Variants in COL6A3 observed in about 807,000 individuals in gnomAD.
COL6A3 encodes collagen type VI alpha 3 chain, also known as collagen alpha-3(VI) chain.
In COL6A3, 137 loss-of-function variants were observed where a neutral mutation model predicts 274.1. That is an observed-to-expected ratio of 0.50 (90% CI 0.44 to 0.58). COL6A3 has a LOEUF of 0.58. COL6A3 is among the 20% of genes least tolerant of loss of function. The pLI is 0.00. For missense variants in COL6A3, 3,950 were observed against 4,124.9 expected (o/e 0.96, Z 1.16); for synonymous variants, 1,650 against 1,650.6 (o/e 1.00, Z 0.01).
At chr2:237,348,702 C>A (rs754868786) in intron 28 of COL6A3, 39 bp from the exon 29 acceptor site, 11 of 1,589,086 alleles carry the variant, frequency 6.9e-6, no homozygotes, top group African/African-American at 1.3e-5. Context: ...GGTCGCCATG[C>A]CTGGCACACC....
chr2:237,379,559 A>C (rs1281482511), intron 5 of COL6A3, among the ~76,000 whole-genome samples: 1 of 152,152 alleles, frequency 6.6e-6, no homozygotes, highest in Non-Finnish European at 1.5e-5. Context: ...AATGAATACT[A>C]TGAAGGTGCT....
intron 20 of COL6A3, among the ~76,000 whole-genome samples, 196 bp downstream of exon 20, chr2:237,358,839 T>C (rs375823882): frequency 2.0e-5 from 3 of 152,324 alleles, no homozygotes; most frequent in African/African-American, 7.2e-5. Flanking sequence ...CCCTATGGGA[T>C]GTGATCTCGA....
At position 237,353,349 on chromosome 2, in the gene COL6A3, C is replaced by T. The variant is rs1184078038; in HGVS notation, c.6682G>A (p.Gly2228Ser). ...CACACGGAAGCACTCACCTGTGCAC[C>T]TCTGGTCCCCTGCTCTCCCTCAAAG... ...PGFEGEQGTR[G>S]AQGPAGPAGP... is the part of the protein sequence containing the mutation. The change falls in exon 25 of 44, where the codon GGT becomes AGT. Residue 2228 changes from glycine (G) to serine (S), a missense_variant. By Grantham distance (56) the Gly-to-Ser change is moderately conservative. Coordinates refer to ENST00000295550, the MANE Select transcript of COL6A3 (RefSeq NM_004369.4). 4 of 1,614,184 alleles carry T rather than the reference C, an allele frequency of 2.5e-6. No individual in the cohort carries two copies. The South Asian group carries it at 4.4e-5, about 18-fold the overall frequency.
chr2:237,384,059 T>C (rs2078080042), intron 4 of COL6A3, among the ~76,000 whole-genome samples: 1 of 152,150 alleles, frequency 6.6e-6, no homozygotes, highest in African/African-American at 2.4e-5. Context: ...TAGCCAAATA[T>C]AGTAAACACT....
intron 1 of COL6A3, among the ~76,000 whole-genome samples, chr2:237,403,570 A>G (rs1352590841): frequency 1.3e-5 from 2 of 152,160 alleles, no homozygotes; most frequent in Non-Finnish European, 2.9e-5. Context: ...TTTCTGCAAC[A>G]AAGTGACAGC....
chr2:237,336,463 C>A lies in COL6A3; in HGVS notation c.8637G>T (p.Thr2879=). The part of the protein sequence containing the change: ...NPVTTTKPVT[T]TKPVTTTTKP... ...TTGTTGTGGTGGTCACCGGCTTCGTCGTAGTCACCGGCTTCGTTGTCGTCA... is the reference window on the plus strand; with the variant it reads ...TTGTTGTGGTGGTCACCGGCTTCGTAGTAGTCACCGGCTTCGTTGTCGTCA... Residue 2879 remains threonine, a synonymous_variant, in exon 40 of 44, where the codon ACG becomes ACT. Transcript: ENST00000295550. 6.2e-7 allele frequency: 1 copy of A among 1,614,090 alleles called. No homozygotes were observed. Among genetic ancestry groups the A allele is most frequent in the Non-Finnish European group, 8.5e-7 (1 of 1,180,020 alleles).
chr2:237,344,942 G>A lies in COL6A3; in HGVS notation c.7173C>T (p.Tyr2391=), dbSNP rs114248590. ...QSIKDKCPCC[Y]GPLECPVFPT... is the part of the protein sequence containing the mutation. ...AGAAAGTCACCAAAATCAACTTACC[G>A]TAACAGCAAGCTAGAAAAGAAGCAA... Residue 2391 remains tyrosine (Y), a splice_region_variant and synonymous_variant, in exon 35 of 44, where the codon TAC becomes TAT. Coordinates refer to ENST00000295550, the MANE Select transcript of COL6A3 (RefSeq NM_004369.4). This position sits in a 1 kb window ranked among gnomAD's most constrained non-coding sequence, Gnocchi z 4.8. The A allele has an allele frequency of 9.5e-5, 153 of 1,614,072 alleles. 1 individual carries two copies. Among genetic ancestry groups the A allele is most frequent in the South Asian group, 7.4e-4 (67 of 91,072 alleles).
chr2:237,379,749 C>T (rs766609275), intron 5 of COL6A3, among the ~76,000 whole-genome samples: 17 of 152,210 alleles, frequency 1.1e-4, no homozygotes, highest in Non-Finnish European at 7.3e-5. Flanking sequence ...AGGCTGGTCT[C>T]ATATTGAAGT....
chr2:237,350,208 C>G lies in COL6A3; in HGVS notation c.6818G>C (p.Gly2273Ala), dbSNP rs759832450. ...RGRTGPLGRK[G>A]EPGEPGPKGG... Reference sequence around the variant, plus strand: ...TTTTGGTCCTGGCTCTCCGGGCTCACCCTAGACATGAGAAACATGGCTGAG... The same window carrying G: ...TTTTGGTCCTGGCTCTCCGGGCTCAGCCTAGACATGAGAAACATGGCTGAG... Residue 2273 changes from glycine to alanine, a missense_variant and splice_region_variant, in exon 28 of 44, where the codon GGT becomes GCT. Gly to Ala is a moderately conservative substitution (Grantham distance 60). Around this residue, in one of 5 missense-constraint regions of COL6A3, gnomAD observed 1,284 missense variants for 1,349.7 expected, o/e 0.95. Transcript: ENST00000295550. 6.8e-6 allele frequency: 11 copies of G among 1,613,956 alleles called. No homozygotes were observed. The East Asian group carries it at 2.5e-4, about 36-fold the overall frequency.
In COL6A3 at chr2:237,354,950, T is replaced by C. The variant is rs181698279; in HGVS notation, c.6592-16A>G. 6.2e-7 allele frequency: 1 copy of C among 1,613,118 alleles called. No homozygotes were observed. Among genetic ancestry groups the C allele is most frequent in the African/African-American group, 1.3e-5 (1 of 74,844 alleles). On this transcript the variant is annotated splice_polypyrimidine_tract_variant and intron_variant, in intron 23 of 43. Transcript: ENST00000295550. ...CAAAGCCACCCTGTGGAAGAAAAAG[T>C]CCCACAAACTGTGAGGGGGAGCATG...
chr2:237,359,269 G>C lies in COL6A3; in HGVS notation c.6310-19C>G. Reference sequence around the variant, plus strand: ...CTTCGCCCTAAGAGGGAATAAGGCGGACAGGTAAGTATAGAAAGCTATTCT... The same window carrying C: ...CTTCGCCCTAAGAGGGAATAAGGCGCACAGGTAAGTATAGAAAGCTATTCT... On this transcript the variant is annotated intron_variant, in intron 18 of 43. Coordinates refer to ENST00000295550, the MANE Select transcript of COL6A3 (RefSeq NM_004369.4). 1 of 1,614,140 alleles carries C rather than the reference G, an allele frequency of 6.2e-7. No homozygotes were observed.
chr2:237,380,373 G>GAACCACTA (rs1484056550), intron 5 of COL6A3, among the ~76,000 whole-genome samples: 1 of 152,164 alleles, frequency 6.6e-6, no homozygotes, highest in African/African-American at 2.4e-5. Flanking sequence ...ATTAAATGAG[G>GAACCACTA]GATTTGAAGA....
At chr2:237,390,689 A>G (rs907996343) in intron 3 of COL6A3, among the ~76,000 whole-genome samples, 1 of 152,226 alleles carries the variant, frequency 6.6e-6, no homozygotes, top group Non-Finnish European at 1.5e-5. Context: ...TGTGGGCACA[A>G]TGCCTTTCTT....
chr2:237,366,352 C>T (rs1375779718), intron 11 of COL6A3, among the ~76,000 whole-genome samples: 1 of 152,140 alleles, frequency 6.6e-6, no homozygotes. Context: ...ATTAAAAGCA[C>T]TTGAAAATCA....
At chr2:237,399,114 A>G (rs2078525714) in intron 1 of COL6A3, among the ~76,000 whole-genome samples, 1 of 152,204 alleles carries the variant, frequency 6.6e-6, no homozygotes, top group Non-Finnish European at 1.5e-5. Context: ...TCATAAGATG[A>G]GAGGATAAGA....
At position 237,369,861 on chromosome 2, in the gene COL6A3, A is replaced by G. The variant is rs143696754; in HGVS notation, c.4286-684T>C. Among the ~76,000 whole-genome samples the G allele has an allele frequency of 6.6e-3, 984 of 148,066 alleles. 6 individuals carry two copies. The highest frequency in any genetic ancestry group is 0.023 in the African/African-American group (923 of 40,056). On this transcript the variant is annotated intron_variant, in intron 9 of 43. Coordinates refer to ENST00000295550, the MANE Select transcript of COL6A3 (RefSeq NM_004369.4). The stretch of plus-strand genomic sequence containing the variant: ...TCTTTCTTTTTTTTTTTTCTGAGAC[A>G]TGGTCTCTTTCTATCTCCCAGGCTG...
intron 3 of COL6A3, 142 bp from the exon 4 acceptor site, chr2:237,388,326 G>T: frequency 9.3e-7 from 1 of 1,071,440 alleles, no homozygotes; most frequent in Non-Finnish European, 1.4e-6. Context: ...ATGAAGGAAT[G>T]TGAAATTCTC....
chr2:237,344,311 A>G lies in COL6A3; in HGVS notation c.7668+39T>C, dbSNP rs1300844448. Reference sequence around the variant, plus strand: ...TCTGAGAACCTTCTCAGAGCCCCAGAAGAAAGGGAGATGCCAACAGCACGC... The same window carrying G: ...TCTGAGAACCTTCTCAGAGCCCCAGGAGAAAGGGAGATGCCAACAGCACGC... On this transcript the variant is annotated intron_variant, in intron 36 of 43. Transcript: ENST00000295550. The surrounding 1 kb of genome is among the most constrained non-coding windows in gnomAD (Gnocchi z 4.8). 1.2e-6 allele frequency: 2 copies of G among 1,613,484 alleles called. No homozygotes were observed. Among genetic ancestry groups the G allele is most frequent in the African/African-American group, 2.7e-5 (2 of 74,910 alleles).
chr2:237,354,375 T>C (rs1032311513), intron 24 of COL6A3, among the ~76,000 whole-genome samples: 3 of 151,918 alleles, frequency 2.0e-5, no homozygotes, highest in Non-Finnish European at 4.4e-5. Context: ...GGGAAATTCC[T>C]TGTGGACAAA....
Sources: gnomAD v4.1 joint callset for allele counts (sites outside exome capture counted in the v4.1 genomes callset) on GRCh38, gnomAD v4.1.1 for gene constraint, gnomAD v4.1.1 regional missense constraint, Gnocchi (gnomAD v3.1) non-coding constraint, MANE v1.5 for transcripts, NCBI Gene and HGNC (gene_info 2026-07-23, HGNC 2026-07-21) for gene names.